RABGGTA: variants seen among roughly 807,000 people sequenced by gnomAD.
RABGGTA encodes Rab geranylgeranyltransferase subunit alpha.
Under a neutral mutation model 83.3 loss-of-function variants are expected in RABGGTA, and 69 were observed. That is an observed-to-expected ratio of 0.83 (90% CI 0.68 to 1.01). The LOEUF (loss-of-function observed/expected upper bound fraction) is 1.01. Among genes scored for constraint, RABGGTA ranks in the 50% least tolerant of loss-of-function variants. RABGGTA has a pLI of 0.00. For missense variants in RABGGTA, 681 were observed against 712.7 expected, an observed-to-expected ratio of 0.96 and a Z score of 0.51; for synonymous variants, 310 against 299.8, an observed-to-expected ratio of 1.03 and a Z score of -0.35.
At position 24,265,710 on chromosome 14, in the gene RABGGTA, G is replaced by C. The variant is rs756915075; in HGVS notation, c.1609C>G (p.Leu537Val). 3.3e-5 allele frequency: 53 copies of C among 1,612,508 alleles called. No homozygotes were observed. The highest frequency in any genetic ancestry group is 1.3e-4 in the African/African-American group (10 of 74,920). The stretch of plus-strand genomic sequence containing the variant: ...AGCGGGTTACCCTGCAGGTTGAGGA[G>C]GACCAGCCTGGGGCAGGAGGCAAGA... The part of the protein sequence containing the change: ...QPLASCPRLV[L>V]LNLQGNPLCQ... Residue 537 changes from leucine to valine, a missense_variant, in exon 17 of 17, where the codon CTC becomes GTC. This residue lies in a region of RABGGTA where 421 missense variants were observed against 418.5 expected (regional missense o/e 1.01). Coordinates refer to ENST00000216840, the MANE Select transcript of RABGGTA (RefSeq NM_182836.3).
At chr14:24,268,322 C>T (rs2040899557) in intron 11 of RABGGTA, 47 bp downstream of exon 11, 1 of 1,612,550 alleles carries the variant, frequency 6.2e-7, no homozygotes, top group South Asian at 1.1e-5. Flanking sequence ...TGCCTGATGC[C>T]CAGAGTCCAG....
chr14:24,268,002 C>T (rs1360048446), intron 12 of RABGGTA, 44 bp from the exon 13 acceptor site: 4 of 1,604,124 alleles, frequency 2.5e-6, no homozygotes, highest in South Asian at 2.2e-5. Context: ...TTGGAACCTC[C>T]TCTGCTCCCA....
In RABGGTA at chr14:24,270,314, G is replaced by C. The variant is rs759641647; in HGVS notation, c.239+20C>G. On this transcript the variant is annotated intron_variant, in intron 4 of 16. Coordinates refer to ENST00000216840, the MANE Select transcript of RABGGTA (RefSeq NM_182836.3). ...GCGCAGGGCCAGGGCAGTCTTCTGAGATCCTGAATCCCTACGCACTTCTGA... is the reference window on the plus strand; with the variant it reads ...GCGCAGGGCCAGGGCAGTCTTCTGACATCCTGAATCCCTACGCACTTCTGA... 9.9e-6 allele frequency: 16 copies of C among 1,612,292 alleles called. No individual in the cohort carries two copies. The highest frequency in any genetic ancestry group is 1.4e-5 in the Non-Finnish European group (16 of 1,178,954).
chr14:24,268,418 G>A lies in RABGGTA; in HGVS notation c.1009C>T (p.Arg337Cys), dbSNP rs762590027. The change falls in exon 11 of 17, where the codon CGC becomes TGC. Residue 337 changes from arginine to cysteine, a missense_variant and splice_region_variant. Around this residue, in one of 5 missense-constraint regions of RABGGTA, gnomAD observed 421 missense variants for 418.5 expected, o/e 1.01. Coordinates refer to ENST00000216840, the MANE Select transcript of RABGGTA (RefSeq NM_182836.3). ...VQKECVLLKGRQEGWCRDSTT... is the reference protein window; with the variant it reads ...VQKECVLLKGCQEGWCRDSTT... ...GAGTCCCGGCACCAGCCCTCCTGGCGGCCTGGGGAAAGAGTAGGTGGTTGG... is the reference window on the plus strand; with the variant it reads ...GAGTCCCGGCACCAGCCCTCCTGGCAGCCTGGGGAAAGAGTAGGTGGTTGG... The A allele has an allele frequency of 1.6e-5, 26 of 1,613,544 alleles. No individual in the cohort carries two copies. The East Asian group carries it at 2.2e-4, about 14-fold the overall frequency.
chr14:24,265,697 T>A lies in RABGGTA; in HGVS notation c.1622A>T (p.Gln541Leu). Reference sequence around the variant, plus strand: ...CACCGCTTGGCACAGCGGGTTACCCTGCAGGTTGAGGAGGACCAGCCTGGG... The same window carrying A: ...CACCGCTTGGCACAGCGGGTTACCCAGCAGGTTGAGGAGGACCAGCCTGGG... ...SCPRLVLLNLQGNPLCQAVGI... is the reference protein window; with the variant it reads ...SCPRLVLLNLLGNPLCQAVGI... Residue 541 changes from glutamine to leucine, a missense_variant, in exon 17 of 17, where the codon CAG becomes CTG. Physicochemically the swap from Gln to Leu is moderately radical, Grantham distance 113. Coordinates refer to ENST00000216840, the MANE Select transcript of RABGGTA (RefSeq NM_182836.3). The A allele has an allele frequency of 1.2e-6, 2 of 1,613,210 alleles. No homozygotes were observed. The highest frequency in any genetic ancestry group is 1.7e-6 in the Non-Finnish European group (2 of 1,179,596).
intron 13 of RABGGTA, 25 bp downstream of exon 13, chr14:24,267,845 G>C (rs532947880): frequency 6.2e-7 from 1 of 1,612,010 alleles, no homozygotes; most frequent in Non-Finnish European, 8.5e-7. Context: ...GCCTCCCCCT[G>C]GTCTGTTCTG....
At chr14:24,267,562 G>C in intron 14 of RABGGTA, 98 bp downstream of exon 14, 1 of 882,176 alleles carries the variant, frequency 1.1e-6, no homozygotes, top group South Asian at 1.7e-5. Flanking sequence ...TATCTTGATT[G>C]GAAGTCCACA....
chr14:24,271,374 A>C, intron 1 of RABGGTA, 113 bp downstream of exon 1: 1 of 390,830 alleles, frequency 2.6e-6, no homozygotes, highest in Non-Finnish European at 4.5e-6. Context: ...CGCCCGGGCC[A>C]GAGCGCGAGC....
intron 1 of RABGGTA, 118 bp downstream of exon 1, chr14:24,271,369 G>A (rs532409737): frequency 7.6e-6 from 3 of 396,298 alleles, no homozygotes; most frequent in Middle Eastern, 6.6e-4. Context: ...CGATTCGCCC[G>A]GGCCAGAGCG....
chr14:24,267,587 T>G (rs1489765195), intron 14 of RABGGTA, 73 bp downstream of exon 14: 1 of 1,257,276 alleles, frequency 8.0e-7, no homozygotes, highest in Non-Finnish European at 1.1e-6. Flanking sequence ...CACCTGAGAC[T>G]GGGGGCAAAG....
At chr14:24,270,702 T>G (rs1209432097) in intron 3 of RABGGTA, 135 bp downstream of exon 3, 1 of 1,327,876 alleles carries the variant, frequency 7.5e-7, no homozygotes, top group Non-Finnish European at 1.0e-6. Flanking sequence ...TTCAGCAACT[T>G]GCCCAAAGTC....
At chr14:24,266,648 G>A (rs2040877140) in intron 15 of RABGGTA, 128 bp downstream of exon 15, 7 of 1,208,106 alleles carry the variant, frequency 5.8e-6, no homozygotes, top group Admixed American at 3.5e-5. Flanking sequence ...TGATGGAGGT[G>A]GAAGGCACGC....
intron 4 of RABGGTA, 68 bp downstream of exon 4, chr14:24,270,266 A>G: frequency 6.3e-7 from 1 of 1,587,494 alleles, no homozygotes; most frequent in South Asian, 1.1e-5. Context: ...TTTCTCCTCC[A>G]CCCCTAGACC....
Position 24,270,358 on chromosome 14 carries a change from A to G in RABGGTA, c.215T>C (p.Val72Ala). 2 of 1,609,426 alleles carry G rather than the reference A, an allele frequency of 1.2e-6. No individual in the cohort carries two copies. The highest frequency in any genetic ancestry group is 1.7e-6 in the Non-Finnish European group (2 of 1,177,664). The change falls in exon 4 of 17, where the codon GTG becomes GCG. Residue 72 changes from valine to alanine, a missense_variant. Val to Ala is a moderately conservative substitution (Grantham distance 64). Coordinates refer to ENST00000216840, the MANE Select transcript of RABGGTA (RefSeq NM_182836.3). The stretch of plus-strand genomic sequence containing the variant: ...CTTCTGAGTCTCCAGCTGCTGGAGC[A>G]CCTCTCGTCGGCAGTTCCAGAGGGT... ...FATLWNCRREVLQQLETQKSP... is the reference protein window; with the variant it reads ...FATLWNCRREALQQLETQKSP...
chr14:24,269,628 G>C lies in RABGGTA; in HGVS notation c.494C>G (p.Ala165Gly). 6.2e-7 allele frequency: 1 copy of C among 1,614,014 alleles called. No homozygotes were observed. The highest frequency in any genetic ancestry group is 8.5e-7 in the Non-Finnish European group (1 of 1,179,860). ...TCGGGTGATGAGGCTGTCAGTGAAGGCTAGCTCTTCTGCAGGGGGCACGGC... is the reference window on the plus strand; with the variant it reads ...TCGGGTGATGAGGCTGTCAGTGAAGCCTAGCTCTTCTGCAGGGGGCACGGC... ...QAAVPPAEEL[A>G]FTDSLITRNF... Residue 165 changes from alanine to glycine, a missense_variant, in exon 6 of 17, where the codon GCC becomes GGC. Physicochemically the swap from Ala to Gly is moderately conservative, Grantham distance 60. Around this residue, in one of 5 missense-constraint regions of RABGGTA, gnomAD observed 122 missense variants for 118.9 expected, o/e 1.03. Transcript: ENST00000216840.
Position 24,269,571 on chromosome 14 carries a change from C to A in RABGGTA, c.551G>T (p.Arg184Leu). 6.2e-7 allele frequency: 1 copy of A among 1,611,072 alleles called. No individual in the cohort carries two copies. The highest frequency in any genetic ancestry group is 8.5e-7 in the Non-Finnish European group (1 of 1,177,268). The change falls in exon 6 of 17, where the codon CGC becomes CTC. Residue 184 changes from arginine (R) to leucine (L), a missense_variant. Around this residue, in one of 5 missense-constraint regions of RABGGTA, gnomAD observed 122 missense variants for 118.9 expected, o/e 1.03. Transcript: ENST00000216840. ...GTGCAGCTGGGGCAAGAGACAGGAGCGGTAATGCCAGGAAGAGTAGTTGGA... is the reference window on the plus strand; with the variant it reads ...GTGCAGCTGGGGCAAGAGACAGGAGAGGTAATGCCAGGAAGAGTAGTTGGA... ...NFSNYSSWHY[R>L]SCLLPQLHPQ... is the part of the protein sequence containing the mutation.
In RABGGTA at chr14:24,266,823, G is replaced by A. The variant is rs1454870153; in HGVS notation, c.1420C>T (p.Arg474Cys). 6 of 1,613,796 alleles carry A rather than the reference G, an allele frequency of 3.7e-6. No individual in the cohort carries two copies. The African/African-American group carries it at 4.0e-5, about 11-fold the overall frequency. The change falls in exon 15 of 17, where the codon CGC becomes TGC. Residue 474 changes from arginine to cysteine, a missense_variant. Physicochemically the swap from Arg to Cys is radical, Grantham distance 180. Around this residue, in one of 5 missense-constraint regions of RABGGTA, gnomAD observed 421 missense variants for 418.5 expected, o/e 1.01. Coordinates refer to ENST00000216840, the MANE Select transcript of RABGGTA (RefSeq NM_182836.3). ...AGTGCAGGTGGCAGGGTTCGGAGGC[G>A]ATTGTGTGACAAGTCAAGATGGGTG... ...LVTHLDLSHN[R>C]LRTLPPALAA...
intron 8 of RABGGTA, 38 bp downstream of exon 8, chr14:24,268,873 A>G (rs1270898937): frequency 6.4e-7 from 1 of 1,570,380 alleles, no homozygotes; most frequent in East Asian, 2.4e-5. Context: ...CCAGGCCCAC[A>G]GTCCCACAGT....
chr14:24,265,874 C>T, intron 16 of RABGGTA, 111 bp from the exon 17 acceptor site: 3 of 1,436,602 alleles, frequency 2.1e-6, no homozygotes, highest in Non-Finnish European at 1.8e-6. Context: ...ATGGGCATCT[C>T]ATATGCTCCC....
Sources: gnomAD v4.1 joint callset for allele counts on GRCh38, gnomAD v4.1.1 for gene constraint, gnomAD v4.1.1 regional missense constraint, MANE v1.5 for transcripts, NCBI Gene and HGNC (gene_info 2026-07-23, HGNC 2026-07-21) for gene names.